USP49: variants seen among roughly 807,000 people sequenced by gnomAD.
The protein encoded by USP49 is ubiquitin specific peptidase 49.
Under a neutral mutation model 58.6 loss-of-function variants are expected in USP49, and 24 were observed. That is an observed-to-expected ratio of 0.41 (90% CI 0.30 to 0.58). The LOEUF (loss-of-function observed/expected upper bound fraction) is 0.58. USP49 is among the 20% of genes least tolerant of loss of function. USP49 has a pLI of 0.30. For synonymous variants in USP49, 408 were observed against 365.1 expected, an observed-to-expected ratio of 1.12 and a Z score of -1.34; for missense variants, 703 against 866.1, an observed-to-expected ratio of 0.81 and a Z score of 2.36.
intron 3 of USP49, among the ~76,000 whole-genome samples, chr6:41,826,746 T>C (rs941993884): frequency 1.3e-5 from 2 of 151,964 alleles, no homozygotes; most frequent in Non-Finnish European, 2.9e-5. Flanking sequence ...CCAAACCCAA[T>C]CAAAGTGACA....
intron 3 of USP49, among the ~76,000 whole-genome samples, chr6:41,809,354 C>A (rs1267727544): frequency 1.3e-5 from 2 of 151,862 alleles, no homozygotes; most frequent in East Asian, 3.9e-4. Flanking sequence ...GAAACCCCAT[C>A]TCTACTAAAA....
At chr6:41,870,745 G>A (rs896715276) in intron 3 of USP49, among the ~76,000 whole-genome samples, 2 of 141,626 alleles carry the variant, frequency 1.4e-5, no homozygotes, top group East Asian at 4.2e-4. Context: ...AGGCTGGCTA[G>A]AATTCCTGGT....
chr6:41,807,724 G>A (rs147635912), intron 3 of USP49, among the ~76,000 whole-genome samples: 68 of 152,072 alleles, frequency 4.5e-4, no homozygotes, highest in African/African-American at 1.4e-3. Context: ...ATACAGGCAT[G>A]AGCCACCGTG....
At chr6:41,859,483 G>A (rs1315005737) in intron 3 of USP49, among the ~76,000 whole-genome samples, 2 of 152,152 alleles carry the variant, frequency 1.3e-5, no homozygotes, top group African/African-American at 2.4e-5. Context: ...CCGAGCACGT[G>A]TGTACTTTCC....
intron 3 of USP49, among the ~76,000 whole-genome samples, chr6:41,866,635 A>G (rs1390523725): frequency 6.6e-6 from 1 of 152,198 alleles, no homozygotes; most frequent in Non-Finnish European, 1.5e-5. Flanking sequence ...AGTGCTCATC[A>G]CAGCAAATCT....
intron 3 of USP49, among the ~76,000 whole-genome samples, chr6:41,814,515 C>A (rs1398456725): frequency 1.1e-4 from 16 of 152,146 alleles, no homozygotes; most frequent in Admixed American, 9.8e-4. Context: ...AAATATGATG[C>A]CTTTTAATTG....
At chr6:41,858,587 T>C (rs866293832) in intron 3 of USP49, among the ~76,000 whole-genome samples, 2 of 152,172 alleles carry the variant, frequency 1.3e-5, no homozygotes. Context: ...ATGAGCCACA[T>C]TGGCCTCCTC....
intron 3 of USP49, among the ~76,000 whole-genome samples, chr6:41,815,585 T>G (rs1773335643): frequency 6.6e-6 from 1 of 152,104 alleles, no homozygotes; most frequent in African/African-American, 2.4e-5. Context: ...TGCCATTGTC[T>G]CTGAATAGGG....
At chr6:41,860,810 G>GATT (rs576566087) in intron 3 of USP49, among the ~76,000 whole-genome samples, 3 of 151,306 alleles carry the variant, frequency 2.0e-5, no homozygotes, top group Admixed American at 2.0e-4. Flanking sequence ...GCGCCCGGCA[G>GATT]ATTATTATTA....
At chr6:41,876,718 G>C (rs991987248) in intron 2 of USP49, among the ~76,000 whole-genome samples, 1 of 152,090 alleles carries the variant, frequency 6.6e-6, no homozygotes, top group Non-Finnish European at 1.5e-5. Flanking sequence ...TGCCGTAATC[G>C]AAGTTAAAAC....
intron 3 of USP49, among the ~76,000 whole-genome samples, chr6:41,833,536 A>G (rs1334100577): frequency 6.6e-6 from 1 of 152,224 alleles, no homozygotes; most frequent in Non-Finnish European, 1.5e-5. Flanking sequence ...CTACTCCAAT[A>G]ACTTCTTCCA....
At chr6:41,817,802 G>A (rs1237464815) in intron 3 of USP49, among the ~76,000 whole-genome samples, 3 of 152,016 alleles carry the variant, frequency 2.0e-5, no homozygotes, top group Non-Finnish European at 4.4e-5. Context: ...TTTTCGTAGA[G>A]ACAGGGTTTC....
At chr6:41,797,926 G>T in intron 7 of USP49, 1 of 678,290 alleles carries the variant, frequency 1.5e-6, no homozygotes, top group Non-Finnish European at 1.8e-6. Context: ...AGAATGCAGT[G>T]GTGAAATCAT....
chr6:41,798,530 C>A lies in USP49; in HGVS notation c.1876+194G>T. 3 of 1,465,470 alleles carry A rather than the reference C, an allele frequency of 2.0e-6. No individual in the cohort carries two copies. In the South Asian group the frequency reaches 4.3e-5, roughly 21 times the overall value. The allele number at this position is 1,465,470 out of a possible 1,614,324, so 90.8% of individuals were successfully genotyped here. A position where few individuals can be genotyped will look rare whatever the true frequency, so the allele number is the denominator to read the frequency against. ...ACCTCAGGTGATCCACCCACCGCGG[C>A]CTCCCAAAGCGCTAGGATTACAGGT... On this transcript the variant is annotated intron_variant, in intron 7 of 7. Transcript: ENST00000682992.
At position 41,805,934 on chromosome 6, in the gene USP49, C is replaced by G. The variant is rs779866782; in HGVS notation, c.1050G>C (p.Pro350=). The G allele has an allele frequency of 6.2e-7, 1 of 1,613,938 alleles. No homozygotes were observed. Among genetic ancestry groups the G allele is most frequent in the South Asian group, 1.1e-5 (1 of 91,076 alleles). The change falls in exon 4 of 8, where the codon CCG becomes CCC. Residue 350 remains proline (P), a synonymous_variant. Coordinates refer to ENST00000682992, the MANE Select transcript of USP49 (RefSeq NM_001286554.2). ...RSLELIQNKE[P]SSKHISLCRE... ...GGCAGAGGGAAATGTGCTTTGAACT[C>G]GGCTCCTTGTTCTGGATGAGCTCCA...
chr6:41,843,517 G>A (rs574212042), intron 3 of USP49, among the ~76,000 whole-genome samples: 1 of 152,246 alleles, frequency 6.6e-6, no homozygotes, highest in East Asian at 1.9e-4. Flanking sequence ...GCAATGTCAC[G>A]TGCCTGTAGT....
intron 2 of USP49, among the ~76,000 whole-genome samples, chr6:41,879,090 C>T (rs1774557567): frequency 2.0e-5 from 3 of 152,194 alleles, no homozygotes; most frequent in Admixed American, 2.0e-4. Context: ...TACAAAAATG[C>T]TTTCTAACTT....
At chr6:41,816,531 C>T (rs577620553) in intron 3 of USP49, among the ~76,000 whole-genome samples, 6 of 152,206 alleles carry the variant, frequency 3.9e-5, no homozygotes, top group Non-Finnish European at 7.4e-5. Flanking sequence ...CCTCAGCTCT[C>T]TTCTCAATTT....
chr6:41,862,678 C>T (rs2127355505), intron 3 of USP49, among the ~76,000 whole-genome samples: 1 of 152,260 alleles, frequency 6.6e-6, no homozygotes, highest in East Asian at 1.9e-4. Context: ...GTTTACAGCA[C>T]ATTCAGACAA....
Sources: allele counts gnomAD v4.1 joint callset (sites outside exome capture counted in the v4.1 genomes callset), GRCh38; gene constraint gnomAD v4.1.1; transcripts MANE v1.5; gene names NCBI Gene and HGNC (gene_info 2026-07-23, HGNC 2026-07-21).